DHRS12: variants seen among roughly 807,000 people sequenced by gnomAD.
The protein encoded by DHRS12 is dehydrogenase/reductase 12.
In DHRS12, 29 loss-of-function variants were observed where a neutral mutation model predicts 32.1. That is an observed-to-expected ratio of 0.90 (90% confidence interval 0.67 to 1.23). The LOEUF is 1.23. Among genes scored for constraint, DHRS12 ranks in the 50% most tolerant of loss-of-function variants. The pLI is 0.00. For missense variants in DHRS12, 330 were observed against 337.2 expected, an observed-to-expected ratio of 0.98 and a Z score of 0.17; for synonymous variants, 150 against 135.9, an observed-to-expected ratio of 1.10 and a Z score of -0.72.
rs148725690 is a variant in DHRS12, at chr13:51,771,886, C to T, written c.494G>A (p.Arg165Gln). ...GATGGCCGGGTGCCCTTGGGCCCAC[C>T]GCTCCGTCAGAACCACTTGCTGCCT... ...NKRQQVVLTE[R>Q]WAQGHPAIHF... is the part of the protein sequence containing the mutation. Residue 165 changes from arginine to glutamine, a missense_variant, in exon 7 of 9, where the codon CGG (arginine) becomes CAG (glutamine). Arg to Gln is a conservative substitution (Grantham distance 43, BLOSUM62 1). Coordinates refer to ENST00000444610, the MANE Select transcript of DHRS12 (RefSeq NM_001377533.1). The T allele has an allele frequency of 1.2e-5, 19 of 1,614,082 alleles. No homozygotes were observed. The highest frequency in any genetic ancestry group is 6.7e-5 in the East Asian group (3 of 44,872).
chr13:51,799,479 C>A, intron 2 of DHRS12, 55 bp downstream of exon 2: 1 of 1,602,866 alleles, frequency 6.2e-7, no homozygotes. Context: ...TCAGTGTGGA[C>A]CGGCCGCAGT....
intron 7 of DHRS12, chr13:51,771,405 C>T (rs1954006738): frequency 6.2e-7 from 1 of 1,613,994 alleles, no homozygotes; most frequent in African/African-American, 1.3e-5. Flanking sequence ...CTGGCATTTA[C>T]CTTCATGCAT....
At chr13:51,776,745 G>A (rs1954426679) in intron 5 of DHRS12, among the ~76,000 whole-genome samples, 1 of 152,184 alleles carries the variant, frequency 6.6e-6, no homozygotes, top group South Asian at 2.1e-4. Context: ...CCCAGGAAGA[G>A]CAGCACCACC....
rs1359507571 is a variant in DHRS12, at chr13:51,782,490, G to A, written c.302-5369C>T. 2.0e-5 allele frequency among the ~76,000 whole-genome samples: 3 copies of A among 152,164 alleles called. No homozygotes were observed. Among genetic ancestry groups the A allele is most frequent in the East Asian group, 1.9e-4 (1 of 5,188 alleles). ...CTGCCCATGGATGTGGTAGAGGTGCGCTCTCCAGAACCAGGAATATCAGGG... is the reference window on the plus strand; with the variant it reads ...CTGCCCATGGATGTGGTAGAGGTGCACTCTCCAGAACCAGGAATATCAGGG... On this transcript the variant is annotated intron_variant, in intron 4 of 8. Transcript: ENST00000444610. The surrounding 1 kb of genome is among the most constrained non-coding windows in gnomAD (Gnocchi z 4.2).
At chr13:51,789,252 G>T (rs1955147800) in intron 4 of DHRS12, among the ~76,000 whole-genome samples, 1 of 152,170 alleles carries the variant, frequency 6.6e-6, no homozygotes, top group Admixed American at 6.5e-5. Flanking sequence ...TCACTACAAG[G>T]AAGTAGGATA....
At chr13:51,781,522 T>C (rs1340913499) in intron 4 of DHRS12, among the ~76,000 whole-genome samples, 1 of 152,110 alleles carries the variant, frequency 6.6e-6, no homozygotes, top group Non-Finnish European at 1.5e-5. Context: ...AGGTAAGTGC[T>C]AGAGTGCTAT....
chr13:51,791,373 C>T (rs912586431), intron 2 of DHRS12, 116 bp from the exon 3 acceptor site: 16 of 549,794 alleles, frequency 2.9e-5, no homozygotes, highest in Non-Finnish European at 4.0e-5. Flanking sequence ...TGATATAAAA[C>T]GGAAAATACC....
chr13:51,773,015 TACAG>T, intron 6 of DHRS12: 3 of 985,456 alleles, frequency 3.0e-6, no homozygotes, highest in Non-Finnish European at 3.6e-6. Flanking sequence ...CTGGCAGCCT[TACAG>T]ACAATGTGGG....
chr13:51,803,166 G>A (rs138342802), intron 1 of DHRS12, among the ~76,000 whole-genome samples: 2 of 152,318 alleles, frequency 1.3e-5, no homozygotes, highest in African/African-American at 4.8e-5. Flanking sequence ...AGAGCAGGGA[G>A]TTGCAACTCC....
At chr13:51,769,910 C>T (rs1408626797) in intron 7 of DHRS12, among the ~76,000 whole-genome samples, 5 of 152,234 alleles carry the variant, frequency 3.3e-5, no homozygotes, top group Non-Finnish European at 5.9e-5. Context: ...TACCTGCCCA[C>T]GCCTTCGAGG....
chr13:51,794,914 C>G (rs1955445986), intron 2 of DHRS12, among the ~76,000 whole-genome samples: 1 of 152,026 alleles, frequency 6.6e-6, no homozygotes, highest in African/African-American at 2.4e-5. Context: ...CTGTTTCTCC[C>G]CTAGGCCCTT....
downstream of DHRS12, chr13:51,763,635 C>G (rs1953657439): frequency 6.6e-6 from 1 of 152,042 alleles, no homozygotes; most frequent in African/African-American, 2.4e-5. Flanking sequence ...CTGTCACTAC[C>G]AAAAATTCAA....
chr13:51,756,261 AG>A, the DHRS12 span: 3 of 1,547,048 alleles, frequency 1.9e-6, no homozygotes, highest in Non-Finnish European at 2.6e-6. Flanking sequence ...CTCTGCCAGG[AG>A]GGGTGAGATG....
At chr13:51,787,789 T>C (rs997631560) in intron 4 of DHRS12, among the ~76,000 whole-genome samples, 11 of 13,954 alleles carry the variant, frequency 7.9e-4, no homozygotes, top group Non-Finnish European at 1.3e-3. Context: ...TAATTTATAA[T>C]ATATTAATAT....
At chr13:51,787,905 AATATATAATTATATATAATATATACTTAT>A (rs1244972469) in intron 4 of DHRS12, among the ~76,000 whole-genome samples, 16 of 133,364 alleles carry the variant, frequency 1.2e-4, no homozygotes, top group African/African-American at 2.2e-4. Context: ...TATATATAAA[AATATATAATTATATATAATATATACTTAT>A]ATATATAATT....
the DHRS12 span, chr13:51,755,411 C>G: frequency 1.2e-6 from 2 of 1,614,178 alleles, no homozygotes; most frequent in Non-Finnish European, 1.7e-6. Flanking sequence ...AGCCTTTCTT[C>G]TGGAACTTCA....
At position 51,768,065 on chromosome 13, in the gene DHRS12, G is replaced by C. The variant is rs1566268695; in HGVS notation, c.*122C>G. ...AAAGTTCCCATCCCTTGTAGGCCTC[G>C]CTGTGAGGCACAACGTCTTCGAGGG... On this transcript the variant is annotated 3_prime_UTR_variant, in exon 9 of 9. Transcript: ENST00000444610. The C allele has an allele frequency of 6.8e-7, 1 of 1,465,134 alleles. No individual in the cohort carries two copies. Among genetic ancestry groups the C allele is most frequent in the African/African-American group, 1.4e-5 (1 of 70,830 alleles). The allele number at this position is 1,465,134 out of a possible 1,614,324, so 90.8% of individuals were successfully genotyped here. A position where few individuals can be genotyped will look rare whatever the true frequency, so the allele number is the denominator to read the frequency against.
chr13:51,786,557 C>T (rs1332791361), intron 4 of DHRS12, among the ~76,000 whole-genome samples: 2 of 152,186 alleles, frequency 1.3e-5, no homozygotes, highest in Admixed American at 6.5e-5. Context: ...CAGGGCAGCT[C>T]GCTTTTGTCC....
intron 4 of DHRS12, among the ~76,000 whole-genome samples, chr13:51,786,076 T>G (rs936897261): frequency 1.3e-5 from 2 of 152,224 alleles, no homozygotes; most frequent in Non-Finnish European, 2.9e-5. Context: ...TACTGGGATG[T>G]GCCCGAGGAG....
Sources: allele counts gnomAD v4.1 joint callset (sites outside exome capture counted in the v4.1 genomes callset), GRCh38; gene constraint gnomAD v4.1.1; non-coding constraint Gnocchi (gnomAD v3.1); transcripts MANE v1.5; gene names NCBI Gene and HGNC (gene_info 2026-07-23, HGNC 2026-07-21).